The following EIF2AK3 variants were observed in gnomAD, a reference collection of about 807,000 sequenced individuals.
EIF2AK3 encodes the protein eukaryotic translation initiation factor 2-alpha kinase 3.
A neutral mutation model predicts 113.5 loss-of-function variants in EIF2AK3; 50 were observed. The ratio of observed to expected loss-of-function variants is 0.44; its 90% CI spans 0.35 to 0.56. The LOEUF (loss-of-function observed/expected upper bound fraction) is 0.56. EIF2AK3 is among the 20% of genes least tolerant of loss of function. EIF2AK3 has a pLI of 0.00. For synonymous variants in EIF2AK3, 448 were observed against 495.4 expected (o/e 0.90, Z 1.27); for missense variants, 1,185 against 1,378.0 (o/e 0.86, Z 2.22).
At chr2:88,596,466 A>G (rs1386026031) in intron 2 of EIF2AK3, among the ~76,000 whole-genome samples, 1 of 152,186 alleles carries the variant, frequency 6.6e-6, no homozygotes, top group Non-Finnish European at 1.5e-5. Flanking sequence ...TAGGTGATAA[A>G]TGCCGTTAAA....
intron 15 of EIF2AK3, among the ~76,000 whole-genome samples, chr2:88,560,807 T>C (rs1340726726): frequency 2.0e-5 from 3 of 151,906 alleles, no homozygotes; most frequent in Admixed American, 1.3e-4. Flanking sequence ...TTAGAAGATA[T>C]GAGTCATTTT....
chr2:88,627,035 T>A lies in EIF2AK3; in HGVS notation c.240A>T (p.Ala80=), dbSNP rs1675882563. 1 of 1,602,886 alleles carries A rather than the reference T, an allele frequency of 6.2e-7. No individual in the cohort carries two copies. The highest frequency in any genetic ancestry group is 2.2e-5 in the East Asian group (1 of 44,648). ...VTVEDAEALP[A]AAGEQEPRGP... is the part of the protein sequence containing the mutation. Reference sequence around the variant, plus strand: ...CCCGAGGCTCCTGCTCTCCCGCGGCTGCCGGCAGCGCCTCAGCGTCCTCCA... The same window carrying A: ...CCCGAGGCTCCTGCTCTCCCGCGGCAGCCGGCAGCGCCTCAGCGTCCTCCA... Residue 80 remains alanine, a synonymous_variant, in exon 1 of 17, where the codon GCA becomes GCT. Coordinates refer to ENST00000303236, the MANE Select transcript of EIF2AK3 (RefSeq NM_004836.7).
At position 88,592,492 on chromosome 2, in the gene EIF2AK3, C is replaced by T. The variant is rs114719628; in HGVS notation, c.767+780G>A. 9.6e-3 allele frequency among the ~76,000 whole-genome samples: 1,458 copies of T among 152,140 alleles called. 25 individuals carry two copies. Among genetic ancestry groups the T allele is most frequent in the African/African-American group, 0.034 (1,391 of 41,498 alleles). On this transcript the variant is annotated intron_variant, in intron 4 of 16. Coordinates refer to ENST00000303236, the MANE Select transcript of EIF2AK3 (RefSeq NM_004836.7). ...TAAAAAATATCATTAGGCCAGGCAC[C>T]GTGGCTCATGCCTGTAATCCTAGCA...
Position 88,557,725 on chromosome 2 carries a change from A to G in EIF2AK3, c.*11T>C. 3 of 1,613,930 alleles carry G rather than the reference A, an allele frequency of 1.9e-6. No homozygotes were observed. Among genetic ancestry groups the G allele is most frequent in the Non-Finnish European group, 1.7e-6 (2 of 1,179,752 alleles). ...TGCATCACCTATTAGGGTTGCTAGC[A>G]CAACTTAAGGCTAATTGCTTGGCAA... On this transcript the variant is annotated 3_prime_UTR_variant, in exon 17 of 17. Coordinates refer to ENST00000303236, the MANE Select transcript of EIF2AK3 (RefSeq NM_004836.7).
At chr2:88,570,812 G>A in intron 14 of EIF2AK3, 62 bp downstream of exon 14, 1 of 1,592,480 alleles carries the variant, frequency 6.3e-7, no homozygotes, top group Non-Finnish European at 8.6e-7. Context: ...ATGAAAACAT[G>A]AGAAGAGATT....
At position 88,557,796 on chromosome 2, in the gene EIF2AK3, T is replaced by G; in HGVS notation, c.3291A>C (p.Ser1097=). Residue 1097 remains serine, a synonymous_variant, in exon 17 of 17, where the codon TCA becomes TCC. Coordinates refer to ENST00000303236, the MANE Select transcript of EIF2AK3 (RefSeq NM_004836.7). ...ACTGTCTTGAATGTTTTGTTCCCGATGAACTCAAGGAGCGAGACCTCTGTC... is the reference window on the plus strand; with the variant it reads ...ACTGTCTTGAATGTTTTGTTCCCGAGGAACTCAAGGAGCGAGACCTCTGTC... The part of the protein sequence containing the change: ...VLRQRSRSLS[S]SGTKHSRQSN... 6.2e-7 allele frequency: 1 copy of G among 1,614,172 alleles called. No homozygotes were observed. Among genetic ancestry groups the G allele is most frequent in the South Asian group, 1.1e-5 (1 of 91,082 alleles).
Position 88,586,029 on chromosome 2 carries a change from C to T in EIF2AK3, c.1462G>A (p.Glu488Lys), listed in dbSNP as rs1223494806. ...NGYYLPYYKR[E>K]RNKRSTQITV... ...ATCTGTGTGCTTCGTTTGTTCCTCT[C>T]CCTCTTGTAGTATGGTAGATAATAA... The change falls in exon 9 of 17, where the codon GAG becomes AAG. Residue 488 changes from glutamate (E) to lysine (K), a missense_variant. Glu to Lys is a moderately conservative substitution (Grantham distance 56). This residue lies in a region of EIF2AK3 where 877 missense variants were observed against 1,024.2 expected (regional missense o/e 0.86). Coordinates refer to ENST00000303236, the MANE Select transcript of EIF2AK3 (RefSeq NM_004836.7). The T allele has an allele frequency of 6.2e-7, 1 of 1,613,898 alleles. No individual in the cohort carries two copies. The highest frequency in any genetic ancestry group is 1.3e-5 in the African/African-American group (1 of 74,892).
intron 2 of EIF2AK3, among the ~76,000 whole-genome samples, chr2:88,605,365 C>T: frequency 6.6e-6 from 1 of 152,146 alleles, no homozygotes; most frequent in Non-Finnish European, 1.5e-5. Flanking sequence ...AATACCTGCT[C>T]CACAAGTAAA....
chr2:88,604,890 T>C (rs1295389478), intron 2 of EIF2AK3, among the ~76,000 whole-genome samples: 1 of 152,208 alleles, frequency 6.6e-6, no homozygotes, highest in South Asian at 2.1e-4. Context: ...CATTAAGGTA[T>C]TTTAAAAAGC....
chr2:88,561,718 G>T (rs1248464482), intron 15 of EIF2AK3, among the ~76,000 whole-genome samples: 1 of 152,108 alleles, frequency 6.6e-6, no homozygotes, highest in Non-Finnish European at 1.5e-5. Flanking sequence ...AATTAGCCAG[G>T]CATAGTGGCA....
chr2:88,600,842 T>G (rs1004068651), intron 2 of EIF2AK3, among the ~76,000 whole-genome samples: 1 of 152,278 alleles, frequency 6.6e-6, no homozygotes, highest in African/African-American at 2.4e-5. Flanking sequence ...AAAAAATGTT[T>G]TCCATTTGAT....
intron 9 of EIF2AK3, 121 bp downstream of exon 9, chr2:88,585,718 TGA>T: frequency 1.2e-6 from 1 of 857,500 alleles, no homozygotes; most frequent in Non-Finnish European, 1.8e-6. Flanking sequence ...GGAAGATCAC[TGA>T]GAACTTTGGC....
chr2:88,613,653 A>C (rs1304714720), intron 2 of EIF2AK3, 71 bp downstream of exon 2: 14 of 1,585,666 alleles, frequency 8.8e-6, no homozygotes, highest in Middle Eastern at 1.7e-4. Flanking sequence ...ATAGGGCCCC[A>C]AACTTCTTAA....
chr2:88,607,493 G>A (rs968834542), intron 2 of EIF2AK3, among the ~76,000 whole-genome samples: 3 of 152,156 alleles, frequency 2.0e-5, no homozygotes, highest in African/African-American at 7.2e-5. Context: ...GCTTGGTTAT[G>A]TATCCACACT....
chr2:88,607,935 A>G (rs2104461583), intron 2 of EIF2AK3, among the ~76,000 whole-genome samples: 1 of 152,328 alleles, frequency 6.6e-6, no homozygotes, highest in South Asian at 2.1e-4. Flanking sequence ...CAGAGAAGGA[A>G]ATTAAAGCTC....
chr2:88,598,163 A>G (rs1174073547), intron 2 of EIF2AK3, among the ~76,000 whole-genome samples: 2 of 152,318 alleles, frequency 1.3e-5, no homozygotes, highest in East Asian at 3.9e-4. Flanking sequence ...TCATACCAAT[A>G]GCAAACAGAT....
intron 2 of EIF2AK3, among the ~76,000 whole-genome samples, chr2:88,599,787 G>C (rs950501859): frequency 2.6e-5 from 4 of 152,154 alleles, no homozygotes; most frequent in African/African-American, 7.2e-5. Flanking sequence ...CGGGTCCTTA[G>C]GGAATACAAT....
chr2:88,615,530 G>A (rs1675547119), intron 1 of EIF2AK3, among the ~76,000 whole-genome samples: 1 of 152,164 alleles, frequency 6.6e-6, no homozygotes, highest in Non-Finnish European at 1.5e-5. Flanking sequence ...ATGTAGGAGT[G>A]CTTCTGTGAA....
chr2:88,573,011 CAG>C (rs1043002927), intron 13 of EIF2AK3, among the ~76,000 whole-genome samples: 14 of 151,906 alleles, frequency 9.2e-5, no homozygotes, highest in South Asian at 2.1e-4. Context: ...CAAAATATAA[CAG>C]GGGGAGAGGG....
Sources: gnomAD v4.1 joint callset for allele counts (sites outside exome capture counted in the v4.1 genomes callset) on GRCh38, gnomAD v4.1.1 for gene constraint, gnomAD v4.1.1 regional missense constraint, MANE v1.5 for transcripts, NCBI Gene and HGNC (gene_info 2026-07-23, HGNC 2026-07-21) for gene names.